The following ROBO2 variants were observed in gnomAD, a reference collection of about 807,000 sequenced individuals.
ROBO2 encodes the protein roundabout guidance receptor 2, also known as roundabout homolog 2.
In ROBO2, 53 loss-of-function variants were observed where a neutral mutation model predicts 160.8. The observed-to-expected ratio is 0.33, with a 90% confidence interval of 0.26 to 0.41. The LOEUF is 0.41. Ranked by LOEUF, ROBO2 falls within the 10% of genes least tolerant of loss-of-function variation. The pLI, the probability that ROBO2 is intolerant of heterozygous loss-of-function variation, is 1.00. For synonymous variants in ROBO2, 664 were observed against 611.7 expected (o/e 1.09, Z -1.26); for missense variants, 1,577 against 1,722.4 (o/e 0.92, Z 1.49).
chr3:76,859,062 A>G (rs1190280751), intron 2 of ROBO2, among the ~76,000 whole-genome samples: 1 of 152,236 alleles, frequency 6.6e-6, no homozygotes, highest in Non-Finnish European at 1.5e-5. Flanking sequence ...TCCACCCTGT[A>G]AATGAGGTTC....
At chr3:77,351,766 A>T (rs2068364998) in intron 2 of ROBO2, among the ~76,000 whole-genome samples, 1 of 152,158 alleles carries the variant, frequency 6.6e-6, no homozygotes, top group South Asian at 2.1e-4. Flanking sequence ...TTATATTAAC[A>T]TTCTAAGTGG....
chr3:77,639,583 T>C (rs1354579536), intron 24 of ROBO2, among the ~76,000 whole-genome samples: 1 of 152,084 alleles, frequency 6.6e-6, no homozygotes, highest in Non-Finnish European at 1.5e-5. Flanking sequence ...AAGTGAAGCT[T>C]GAGACTTATT....
intron 17 of ROBO2, among the ~76,000 whole-genome samples, chr3:77,591,418 C>T (rs1039874672): frequency 6.6e-6 from 1 of 152,142 alleles, no homozygotes; most frequent in Non-Finnish European, 1.5e-5. Flanking sequence ...TCCTCCTCTA[C>T]CCCAGTTGTA....
intron 6 of ROBO2, among the ~76,000 whole-genome samples, chr3:77,532,956 T>G (rs2153636203): frequency 6.6e-6 from 1 of 152,290 alleles, no homozygotes; most frequent in Non-Finnish European, 1.5e-5. Flanking sequence ...TCATTTTCTG[T>G]CATGAATTAA....
At chr3:77,601,619 T>C (rs2094431969) in intron 19 of ROBO2, among the ~76,000 whole-genome samples, 3 of 152,330 alleles carry the variant, frequency 2.0e-5, no homozygotes, top group Non-Finnish European at 2.9e-5. Context: ...AATTCTGCTA[T>C]ATTGTGAAAA....
intron 1 of ROBO2, among the ~76,000 whole-genome samples, chr3:77,049,543 A>G (rs1251537024): frequency 6.6e-6 from 1 of 152,202 alleles, no homozygotes; most frequent in Non-Finnish European, 1.5e-5. Flanking sequence ...AGTGGTACTT[A>G]GGCTTTCCTT....
intron 2 of ROBO2, among the ~76,000 whole-genome samples, chr3:76,862,379 C>T (rs900044885): frequency 2.6e-5 from 4 of 152,014 alleles, no homozygotes. Context: ...GATAAATTAT[C>T]AGGAGAAAAA....
chr3:77,437,518 C>G (rs977431765), intron 2 of ROBO2, among the ~76,000 whole-genome samples: 1 of 151,810 alleles, frequency 6.6e-6, no homozygotes, highest in African/African-American at 2.4e-5. Flanking sequence ...TTTATGATAG[C>G]AAACTTTACT....
At chr3:76,339,586 C>T (rs917728012) in intron 2 of ROBO2, among the ~76,000 whole-genome samples, 2 of 152,032 alleles carry the variant, frequency 1.3e-5, no homozygotes, top group African/African-American at 4.8e-5. Context: ...ATTTCCTCTT[C>T]CATATGGTAT....
At chr3:76,887,197 T>A (rs1171700671) in intron 2 of ROBO2, among the ~76,000 whole-genome samples, 2 of 84,516 alleles carry the variant, frequency 2.4e-5, no homozygotes, top group African/African-American at 9.6e-5. Context: ...AGGAAGCATT[T>A]TTTTTTTTTT....
At chr3:77,373,688 A>T (rs993830041) in intron 2 of ROBO2, among the ~76,000 whole-genome samples, 1 of 152,144 alleles carries the variant, frequency 6.6e-6, no homozygotes, top group East Asian at 1.9e-4. Flanking sequence ...GATTGTGTGT[A>T]TCAGATAAAT....
At chr3:77,351,812 A>T (rs1361484819) in intron 2 of ROBO2, among the ~76,000 whole-genome samples, 2 of 152,094 alleles carry the variant, frequency 1.3e-5, no homozygotes, top group African/African-American at 4.8e-5. Flanking sequence ...GTCTCCAACA[A>T]TAAGAGTCGC....
At chr3:76,901,994 T>G (rs970236938) in intron 2 of ROBO2, among the ~76,000 whole-genome samples, 6 of 152,152 alleles carry the variant, frequency 3.9e-5, no homozygotes, top group Non-Finnish European at 8.8e-5. Flanking sequence ...ATCCTCTTTT[T>G]TAAACATGTT....
intron 2 of ROBO2, among the ~76,000 whole-genome samples, chr3:77,415,440 G>T (rs1365233784): frequency 6.6e-6 from 1 of 152,188 alleles, no homozygotes; most frequent in African/African-American, 2.4e-5. Flanking sequence ...GAAAACCATT[G>T]TGTGTCCTCT....
chr3:76,705,438 C>A (rs2093140000), intron 2 of ROBO2, among the ~76,000 whole-genome samples: 1 of 152,036 alleles, frequency 6.6e-6, no homozygotes. Flanking sequence ...TGACTTTATT[C>A]TCTGATAGAG....
intron 2 of ROBO2, among the ~76,000 whole-genome samples, chr3:76,219,322 A>G (rs1359310495): frequency 1.3e-5 from 2 of 152,226 alleles, no homozygotes; most frequent in Non-Finnish European, 2.9e-5. Flanking sequence ...AAAATTGACA[A>G]ATGGGATCTA....
chr3:76,559,269 G>A (rs2084005013), intron 2 of ROBO2, among the ~76,000 whole-genome samples: 1 of 152,102 alleles, frequency 6.6e-6, no homozygotes, highest in South Asian at 2.1e-4. Context: ...TTGCAATGAT[G>A]CAATATATTA....
intron 2 of ROBO2, among the ~76,000 whole-genome samples, chr3:76,406,408 G>A (rs1191730945): frequency 2.6e-5 from 4 of 151,788 alleles, no homozygotes; most frequent in South Asian, 2.1e-4. Context: ...AGATGAGAAC[G>A]GGAACTTGCT....
chr3:76,558,301 C>T (rs767670696), intron 2 of ROBO2, among the ~76,000 whole-genome samples: 2 of 151,922 alleles, frequency 1.3e-5, no homozygotes, highest in African/African-American at 4.8e-5. Flanking sequence ...TTCCAAGAGG[C>T]ATGAAAATAT....
Sources: allele counts gnomAD v4.1 joint callset (sites outside exome capture counted in the v4.1 genomes callset), GRCh38; gene constraint gnomAD v4.1.1; transcripts MANE v1.5; gene names NCBI Gene and HGNC (gene_info 2026-07-23, HGNC 2026-07-21).